Variants in VPS13B observed in about 807,000 individuals in gnomAD.
VPS13B encodes the protein vacuolar protein sorting 13 homolog B.
A neutral mutation model predicts 426.4 loss-of-function variants in VPS13B; 285 were observed. That is an observed-to-expected ratio of 0.67 (90% CI 0.61 to 0.74). VPS13B has a LOEUF of 0.74. VPS13B is among the 30% of genes least tolerant of loss of function. The pLI, the probability that VPS13B is intolerant of heterozygous loss-of-function variation, is 0.00. For synonymous variants in VPS13B, 1,676 were observed against 1,676.4 expected (o/e 1.00, Z 0.01); for missense variants, 4,537 against 4,782.6 (o/e 0.95, Z 1.51).
chr8:99,629,864 A>G (rs774851303), intron 33 of VPS13B, among the ~76,000 whole-genome samples: 1 of 152,152 alleles, frequency 6.6e-6, no homozygotes, highest in Admixed American at 6.5e-5. Flanking sequence ...TTGCTTTCCA[A>G]CTGGTGTTGC....
At chr8:99,246,785 G>A (rs1350720914) in intron 17 of VPS13B, among the ~76,000 whole-genome samples, 3 of 151,300 alleles carry the variant, frequency 2.0e-5, no homozygotes, top group Middle Eastern at 3.4e-3. Context: ...AGAATCACTC[G>A]AACCTAGGAG....
chr8:99,259,968 T>C (rs558717637), intron 17 of VPS13B, among the ~76,000 whole-genome samples: 2 of 152,176 alleles, frequency 1.3e-5, no homozygotes, highest in South Asian at 2.1e-4. Flanking sequence ...TAAAAGACTT[T>C]TAAAATAATT....
At chr8:99,640,053 A>G (rs967886984) in intron 33 of VPS13B, among the ~76,000 whole-genome samples, 4,424 of 48,220 alleles carry the variant, frequency 0.092, 161 homozygotes, top group African/African-American at 0.12. Context: ...GAAGAAGAGA[A>G]AAGAAAAGAA....
At chr8:99,080,590 A>G (rs938684898) in intron 3 of VPS13B, among the ~76,000 whole-genome samples, 2 of 152,098 alleles carry the variant, frequency 1.3e-5, no homozygotes, top group East Asian at 3.9e-4. Flanking sequence ...TGGCTTGTTT[A>G]AATTATTATG....
intron 35 of VPS13B, among the ~76,000 whole-genome samples, chr8:99,687,442 C>G (rs1831461879): frequency 6.6e-6 from 1 of 151,952 alleles, no homozygotes; most frequent in Non-Finnish European, 1.5e-5. Context: ...CCTAGACTGC[C>G]TTTCAGGTTT....
At chr8:99,186,547 A>G (rs1813230666) in intron 16 of VPS13B, among the ~76,000 whole-genome samples, 1 of 152,150 alleles carries the variant, frequency 6.6e-6, no homozygotes, top group Non-Finnish European at 1.5e-5. Flanking sequence ...AACAAAAGAG[A>G]AAAACCCCTC....
intron 30 of VPS13B, among the ~76,000 whole-genome samples, chr8:99,523,071 G>A (rs762652750): frequency 2.3e-4 from 35 of 152,140 alleles, no homozygotes; most frequent in Non-Finnish European, 4.4e-4. Context: ...TATTTGAAAC[G>A]TCCAGAATAG....
chr8:99,594,797 C>A (rs1826909227), intron 33 of VPS13B, among the ~76,000 whole-genome samples: 1 of 151,814 alleles, frequency 6.6e-6, no homozygotes, highest in Non-Finnish European at 1.5e-5. Flanking sequence ...TTTCAGGTGG[C>A]AGACTAACAG....
chr8:99,540,929 A>G (rs1823584053), intron 30 of VPS13B, among the ~76,000 whole-genome samples: 1 of 152,148 alleles, frequency 6.6e-6, no homozygotes, highest in Non-Finnish European at 1.5e-5. Flanking sequence ...CTTAAAGTGT[A>G]TAGAGTCATG....
intron 21 of VPS13B, among the ~76,000 whole-genome samples, chr8:99,428,289 G>T (rs553901672): frequency 1.3e-5 from 2 of 152,246 alleles, no homozygotes; most frequent in South Asian, 4.1e-4. Context: ...TGACAAATGG[G>T]ATCTAATTAA....
chr8:99,734,960 A>G (rs768933484), intron 39 of VPS13B, among the ~76,000 whole-genome samples: 1 of 152,344 alleles, frequency 6.6e-6, no homozygotes, highest in East Asian at 1.9e-4. Context: ...AGCCAGGACT[A>G]TGGAAGAGAT....
At chr8:99,182,397 T>G (rs1291755672) in intron 16 of VPS13B, among the ~76,000 whole-genome samples, 2 of 152,152 alleles carry the variant, frequency 1.3e-5, no homozygotes, top group Non-Finnish European at 2.9e-5. Context: ...AGTATCTTTT[T>G]GGGGTGAGGG....
intron 39 of VPS13B, among the ~76,000 whole-genome samples, chr8:99,749,947 A>T (rs1810310056): frequency 6.6e-6 from 1 of 152,102 alleles, no homozygotes; most frequent in South Asian, 2.1e-4. Context: ...TTTATGTGTC[A>T]TGAACAAAAC....
At chr8:99,581,911 G>T (rs145954512) in intron 33 of VPS13B, among the ~76,000 whole-genome samples, 1 of 152,038 alleles carries the variant, frequency 6.6e-6, no homozygotes, top group Admixed American at 6.5e-5. Context: ...TCATGTTTCC[G>T]TGACATCTGG....
chr8:99,619,538 T>C (rs1381259769), intron 33 of VPS13B, among the ~76,000 whole-genome samples: 1 of 152,170 alleles, frequency 6.6e-6, no homozygotes, highest in African/African-American at 2.4e-5. Flanking sequence ...TAACTGCTCT[T>C]CTATGCCTCA....
At chr8:99,204,160 T>C (rs1417384072) in intron 17 of VPS13B, among the ~76,000 whole-genome samples, 2 of 152,030 alleles carry the variant, frequency 1.3e-5, no homozygotes, top group African/African-American at 4.8e-5. Flanking sequence ...CCAAAACAGA[T>C]ATATAGAACA....
intron 19 of VPS13B, among the ~76,000 whole-genome samples, chr8:99,342,095 T>C (rs1811281465): frequency 6.6e-6 from 1 of 152,236 alleles, no homozygotes; most frequent in Admixed American, 6.5e-5. Context: ...TACTCTTTAT[T>C]ATTTAAAAAA....
chr8:99,588,035 C>T (rs547909394), intron 33 of VPS13B, among the ~76,000 whole-genome samples: 8 of 151,926 alleles, frequency 5.3e-5, no homozygotes, highest in African/African-American at 1.9e-4. Flanking sequence ...CAGCTTTCTA[C>T]ATATGGTTAG....
intron 3 of VPS13B, among the ~76,000 whole-genome samples, chr8:99,078,316 A>T (rs1175751508): frequency 7.0e-6 from 1 of 142,450 alleles, no homozygotes; most frequent in African/African-American, 2.6e-5. Flanking sequence ...TTTGTTGGGA[A>T]AGACTTTTTT....
Sources: allele counts gnomAD v4.1 joint callset (sites outside exome capture counted in the v4.1 genomes callset), GRCh38; gene constraint gnomAD v4.1.1; transcripts MANE v1.5; gene names NCBI Gene and HGNC (gene_info 2026-07-23, HGNC 2026-07-21).